The following OC90 variants were observed in gnomAD, a reference collection of about 807,000 sequenced individuals.
The protein encoded by OC90 is otoconin 90.
A neutral mutation model predicts 47.3 loss-of-function variants in OC90; 46 were observed. That is an observed-to-expected ratio of 0.97 (90% CI 0.77 to 1.24). The LOEUF is 1.24. Among genes scored for constraint, OC90 ranks in the 50% most tolerant of loss-of-function variants. OC90 has a pLI of 0.00. For synonymous variants in OC90, 271 were observed against 219.5 expected (o/e 1.23, Z -2.07); for missense variants, 688 against 583.9 (o/e 1.18, Z -1.84).
At chr8:132,037,406 T>C (rs1402779205) in intron 9 of OC90, 32 bp downstream of exon 9, 1 of 1,558,358 alleles carries the variant, frequency 6.4e-7, no homozygotes, top group East Asian at 2.3e-5. Flanking sequence ...ATTGTGTGTC[T>C]TTGGGTTCCA....
At position 132,039,102 on chromosome 8, in the gene OC90, T is replaced by A. The variant is rs747590897; in HGVS notation, c.479A>T (p.His160Leu). The change falls in exon 7 of 14, where the codon CAC becomes CTC. Residue 160 changes from histidine to leucine, a missense_variant. His to Leu is a moderately conservative substitution (Grantham distance 99, BLOSUM62 -3). Transcript: ENST00000254627. Reference protein sequence around the residue: ...IICESKDNCEHLLCTCDKAAI... With the variant: ...IICESKDNCELLLCTCDKAAI... ...AGCCTTATCACAGGTACACAGCAGG[T>A]GCTCACAGTTGTCCTTGGACTCTGC... 2.5e-6 allele frequency: 4 copies of A among 1,610,872 alleles called. No individual in the cohort carries two copies. The highest frequency in any genetic ancestry group is 1.7e-4 in the Middle Eastern group (1 of 6,060).
intron 3 of OC90, among the ~76,000 whole-genome samples, chr8:132,044,909 C>G (rs1031271828): frequency 6.6e-6 from 1 of 152,156 alleles, no homozygotes; most frequent in Non-Finnish European, 1.5e-5. Context: ...GCTTCTAAGC[C>G]GGGGCTGGTC....
At chr8:132,043,801 C>T (rs76088670) in intron 4 of OC90, among the ~76,000 whole-genome samples, 3 of 152,348 alleles carry the variant, frequency 2.0e-5, no homozygotes, top group East Asian at 1.9e-4. Context: ...ACTTACAAGG[C>T]ACCTGCACTT....
At chr8:132,030,005 A>C (rs1290531224) in intron 12 of OC90, among the ~76,000 whole-genome samples, 1 of 152,084 alleles carries the variant, frequency 6.6e-6, no homozygotes, top group Non-Finnish European at 1.5e-5. Context: ...TTCTCAACCA[A>C]TTATCTGCTT....
chr8:132,033,051 TCTC>T lies in OC90; in HGVS notation c.844_846del (p.Glu282del). ...TGCTTCTGCTCACCTTTTTCAGTGG[TCTC>T]CTCAGGATCATTTTCAACAGATGAC... On this transcript the variant is annotated inframe_deletion, in exon 11 of 14. Transcript: ENST00000254627. The T allele has an allele frequency of 6.2e-7, 1 of 1,609,666 alleles. No individual in the cohort carries two copies. Among genetic ancestry groups the T allele is most frequent in the South Asian group, 1.1e-5 (1 of 89,650 alleles).
At chr8:132,034,650 G>T in intron 10 of OC90, 131 bp downstream of exon 10, 2 of 627,344 alleles carry the variant, frequency 3.2e-6, no homozygotes, top group Non-Finnish European at 5.6e-6. Flanking sequence ...TCCGATTCTT[G>T]CCCCATCACC....
rs760986622 is a variant in OC90, at chr8:132,031,954, G to A, written c.958C>T (p.Pro320Ser). 35 of 1,613,958 alleles carry A rather than the reference G, an allele frequency of 2.2e-5. No homozygotes were observed. In the Admixed American group the frequency reaches 5.8e-4, roughly 27 times the overall value. ...CAGCCATAAGACTCAAATTCCTCCG[G>A]GCACCGGGATGTCAGACAAAAGAGC... Reference protein sequence around the residue: ...EMLFCLTSRCPEEFESYGCYC... With the variant: ...EMLFCLTSRCSEEFESYGCYC... Residue 320 changes from proline (P) to serine (S), a missense_variant, in exon 12 of 14, where the codon CCG becomes TCG. Pro to Ser is a moderately conservative substitution (Grantham distance 74). Transcript: ENST00000254627.
intron 2 of OC90, among the ~76,000 whole-genome samples, chr8:132,052,374 T>A (rs1047819557): frequency 6.6e-6 from 1 of 152,222 alleles, no homozygotes; most frequent in African/African-American, 2.4e-5. Context: ...GCTAAGAATA[T>A]CTGCGGCCCA....
chr8:132,037,705 G>A (rs2130856355), intron 8 of OC90, among the ~76,000 whole-genome samples: 1 of 152,314 alleles, frequency 6.6e-6, no homozygotes, highest in Non-Finnish European at 1.5e-5. Context: ...CAGCTCAGGA[G>A]GGAGCACAGC....
At chr8:132,037,333 C>A in intron 9 of OC90, 105 bp downstream of exon 9, 1 of 946,838 alleles carries the variant, frequency 1.1e-6, no homozygotes, top group South Asian at 1.4e-5. Context: ...CGGTGCTGTT[C>A]TTGTGATAGT....
chr8:132,028,563 A>AAAGAAAGGAAGGAAGGAAGGAAGG (rs1354516292), intron 13 of OC90, among the ~76,000 whole-genome samples: 39 of 31,322 alleles, frequency 1.2e-3, no homozygotes, highest in East Asian at 0.011. Context: ...AGAAAGAAAG[A>AAAGAAAGGAAGGAAGGAAGGAAGG]AAGGAAGGAA....
chr8:132,026,210 AAAT>A, intron 13 of OC90, among the ~76,000 whole-genome samples: 1 of 152,314 alleles, frequency 6.6e-6, no homozygotes, highest in African/African-American at 2.4e-5. Context: ...GACTCAAATG[AAAT>A]AATATCTTTG....
intron 2 of OC90, among the ~76,000 whole-genome samples, chr8:132,046,914 G>A (rs1055906754): frequency 1.3e-5 from 2 of 152,172 alleles, no homozygotes; most frequent in Non-Finnish European, 2.9e-5. Flanking sequence ...GCTTAGAGCA[G>A]GTTTCTCAGC....
At chr8:132,036,447 G>T in intron 9 of OC90, 1 of 780,180 alleles carries the variant, frequency 1.3e-6, no homozygotes, top group South Asian at 1.3e-5. Flanking sequence ...CGATTTTAAT[G>T]ATCAGTTCAG....
intron 13 of OC90, among the ~76,000 whole-genome samples, chr8:132,027,551 T>C (rs1822777966): frequency 6.6e-6 from 1 of 152,256 alleles, no homozygotes; most frequent in South Asian, 2.1e-4. Context: ...GGGCAAGTCT[T>C]TCCTTTTAAA....
intron 2 of OC90, among the ~76,000 whole-genome samples, chr8:132,049,277 C>T (rs1395077502): frequency 6.8e-6 from 1 of 146,904 alleles, no homozygotes; most frequent in Non-Finnish European, 1.5e-5. Context: ...CTCCAGTACT[C>T]CAAACCTTCT....
intron 8 of OC90, 21 bp from the exon 9 acceptor site, chr8:132,037,509 A>G: frequency 2.6e-6 from 4 of 1,565,594 alleles, no homozygotes; most frequent in Non-Finnish European, 3.5e-6. Context: ...AGAGTTCCCA[A>G]TAGCAGTGAC....
At chr8:132,049,988 A>C in intron 2 of OC90, 1 of 387,096 alleles carries the variant, frequency 2.6e-6, no homozygotes. Context: ...TTCACATAAA[A>C]TATGACTGCA....
chr8:132,028,807 GAAAGAAAGAAAGAA>G (rs1563727814), intron 13 of OC90, among the ~76,000 whole-genome samples: 1 of 67,720 alleles, frequency 1.5e-5, no homozygotes, highest in Non-Finnish European at 3.0e-5. Flanking sequence ...AGGAAAGAAA[GAAAGAAAGAAAGAA>G]AAAGAAAGAA....
Sources: gnomAD v4.1 joint callset for allele counts (sites outside exome capture counted in the v4.1 genomes callset) on GRCh38, gnomAD v4.1.1 for gene constraint, MANE v1.5 for transcripts, NCBI Gene and HGNC (gene_info 2026-07-23, HGNC 2026-07-21) for gene names.